Variants in HTRA1 observed in about 807,000 individuals in gnomAD.
The protein encoded by HTRA1 is HtrA serine peptidase 1, also known as serine protease HTRA1.
HTRA1 carries 26 observed loss-of-function variants against 49.7 expected under a neutral mutation model. The ratio of observed to expected loss-of-function variants is 0.52; its 90% CI spans 0.38 to 0.73. HTRA1 has a LOEUF of 0.73. Ranked by LOEUF, HTRA1 falls within the 30% of genes least tolerant of loss-of-function variation. The probability of loss-of-function intolerance (pLI) is 0.00; values close to 1 mark genes in which losing one functional copy is unlikely to be tolerated. For synonymous variants in HTRA1, 291 were observed against 286.9 expected, an observed-to-expected ratio of 1.01 and a Z score of -0.14; for missense variants, 561 against 667.2, an observed-to-expected ratio of 0.84 and a Z score of 1.75.
At chr10:122,462,442 A>G (rs1265809392) in intron 1 of HTRA1, among the ~76,000 whole-genome samples, 1 of 152,272 alleles carries the variant, frequency 6.6e-6, no homozygotes, top group Non-Finnish European at 1.5e-5. Context: ...CCCCAGGACA[A>G]ATAAGAGGAA....
chr10:122,493,421 C>A (rs1470687617), intron 3 of HTRA1, among the ~76,000 whole-genome samples: 1 of 152,242 alleles, frequency 6.6e-6, no homozygotes, highest in Middle Eastern at 3.2e-3. Flanking sequence ...CAAACTCTTT[C>A]CAAATGCGTT....
At chr10:122,478,721 G>T (rs535910682) in intron 1 of HTRA1, among the ~76,000 whole-genome samples, 97 of 152,314 alleles carry the variant, frequency 6.4e-4, no homozygotes, top group Non-Finnish European at 9.7e-4. Flanking sequence ...AGCATCTCCA[G>T]TGGCACCTGA....
intron 3 of HTRA1, among the ~76,000 whole-genome samples, chr10:122,501,446 T>C (rs1157294084): frequency 1.3e-5 from 2 of 152,266 alleles, no homozygotes; most frequent in East Asian, 3.9e-4. Flanking sequence ...TTTCTAAACA[T>C]TGTTAGGTGC....
chr10:122,462,153 C>T (rs1166430243), intron 1 of HTRA1, 29 bp downstream of exon 1: 3 of 1,493,270 alleles, frequency 2.0e-6, no homozygotes, highest in Admixed American at 3.9e-5. Context: ...GGGCAGCTCC[C>T]CACTCTCTCC....
At chr10:122,478,646 C>A (rs1278994813) in intron 1 of HTRA1, among the ~76,000 whole-genome samples, 2 of 145,996 alleles carry the variant, frequency 1.4e-5, no homozygotes, top group Non-Finnish European at 1.5e-5. Context: ...CCTGCCTTGG[C>A]CTCCCAAAGT....
chr10:122,506,623 G>A lies in HTRA1; in HGVS notation c.778-68G>A. The A allele has an allele frequency of 7.1e-7, 1 of 1,404,062 alleles. No homozygotes were observed. The highest frequency in any genetic ancestry group is 1.0e-6 in the Non-Finnish European group (1 of 1,000,264). The allele number at this position is 1,404,062 out of a possible 1,614,324, so 87.0% of individuals were successfully genotyped here. Reference sequence around the variant, plus strand: ...TCACTGTCCCTGCTTGGTTTTCCATGATATCTGTGCCTTTACCTATTTGGT... The same window carrying A: ...TCACTGTCCCTGCTTGGTTTTCCATAATATCTGTGCCTTTACCTATTTGGT... On this transcript the variant is annotated intron_variant, in intron 3 of 8. Coordinates refer to ENST00000368984, the MANE Select transcript of HTRA1 (RefSeq NM_002775.5). The surrounding 1 kb of genome is among the most constrained non-coding windows in gnomAD (Gnocchi z 5.2).
chr10:122,480,259 G>A (rs911555439), intron 1 of HTRA1, among the ~76,000 whole-genome samples: 1 of 151,940 alleles, frequency 6.6e-6, no homozygotes, highest in African/African-American at 2.4e-5. Flanking sequence ...CACGGGGAAC[G>A]TGTGTGGGTT....
chr10:122,463,365 T>A (rs1432849945), intron 1 of HTRA1, among the ~76,000 whole-genome samples: 1 of 152,100 alleles, frequency 6.6e-6, no homozygotes, highest in Non-Finnish European at 1.5e-5. Context: ...TAGAGAGTTG[T>A]CCCGGAGAGA....
intron 3 of HTRA1, among the ~76,000 whole-genome samples, chr10:122,492,705 G>A (rs1228466122): frequency 1.3e-5 from 2 of 152,128 alleles, no homozygotes; most frequent in African/African-American, 4.8e-5. Flanking sequence ...TTGTCCACTT[G>A]CCACTCACCT....
chr10:122,462,987 C>T (rs1208537240), intron 1 of HTRA1, among the ~76,000 whole-genome samples: 1 of 152,256 alleles, frequency 6.6e-6, no homozygotes, highest in African/African-American at 2.4e-5. Flanking sequence ...GAGAGATGCT[C>T]CTCATCTTCA....
chr10:122,475,211 T>C (rs1024112749), intron 1 of HTRA1, among the ~76,000 whole-genome samples: 1 of 152,330 alleles, frequency 6.6e-6, no homozygotes, highest in South Asian at 2.1e-4. Flanking sequence ...GCCCAGCCCC[T>C]GCAACAGTTA....
chr10:122,509,474 T>A (rs1300219005), intron 6 of HTRA1, among the ~76,000 whole-genome samples: 1 of 151,958 alleles, frequency 6.6e-6, no homozygotes, highest in Non-Finnish European at 1.5e-5. Flanking sequence ...CTCAGCATAG[T>A]TGAGTGAGCA....
chr10:122,470,342 C>G (rs1339841267), intron 1 of HTRA1, among the ~76,000 whole-genome samples: 1 of 152,156 alleles, frequency 6.6e-6, no homozygotes, highest in Non-Finnish European at 1.5e-5. Flanking sequence ...GAGACATCAG[C>G]AGGATACTGT....
intron 1 of HTRA1, among the ~76,000 whole-genome samples, chr10:122,469,534 C>T (rs2097485231): frequency 6.6e-6 from 1 of 152,200 alleles, no homozygotes; most frequent in South Asian, 2.1e-4. Context: ...TTCTCCAGGA[C>T]AGTTAGGGCA....
intron 4 of HTRA1, 133 bp downstream of exon 4, chr10:122,507,018 T>A: frequency 1.2e-6 from 1 of 830,082 alleles, no homozygotes; most frequent in Non-Finnish European, 2.0e-6. Context: ...GCCATGTGGA[T>A]TCTAGTGCCA....
rs192597068 is a variant in HTRA1 at position 122,490,526 on chromosome 10, G to T, written c.777+900G>T. ...GCTGTGTGGCATGTTCAGTGAAAGCGTGGTTTCCAGTTTCTTCACATCCTT... is the reference window on the plus strand; with the variant it reads ...GCTGTGTGGCATGTTCAGTGAAAGCTTGGTTTCCAGTTTCTTCACATCCTT... On this transcript the variant is annotated intron_variant, in intron 3 of 8. Coordinates refer to ENST00000368984, the MANE Select transcript of HTRA1 (RefSeq NM_002775.5). This position sits in a 1 kb window ranked among gnomAD's most constrained non-coding sequence, Gnocchi z 4.2. 1.3e-5 allele frequency among the ~76,000 whole-genome samples: 2 copies of T among 152,238 alleles called. No homozygotes were observed. Among genetic ancestry groups the T allele is most frequent in the South Asian group, 4.1e-4 (2 of 4,824 alleles).
chr10:122,496,228 C>CTTTTTTTT lies in HTRA1; in HGVS notation c.777+6626_777+6633dup, dbSNP rs71026021. Among the ~76,000 whole-genome samples the CTTTTTTTT allele has an allele frequency of 5.7e-4, 43 of 75,626 alleles. 2 individuals carry two copies. Among genetic ancestry groups the CTTTTTTTT allele is most frequent in the African/African-American group, 2.1e-3 (39 of 18,528 alleles). 49.6% of individuals were successfully genotyped at this position (75,626 alleles called of 152,430 possible). A position where few individuals can be genotyped will look rare whatever the true frequency, so the allele number is the denominator to read the frequency against. ...TTTCGTTTGCCAGAGATTGTGGGTT[C>CTTTTTTTT]TTTTTTTTTTTTTTTTTTTTTTTTT... On this transcript the variant is annotated intron_variant, in intron 3 of 8. Transcript: ENST00000368984.
At chr10:122,468,735 G>A (rs2097484868) in intron 1 of HTRA1, among the ~76,000 whole-genome samples, 1 of 152,188 alleles carries the variant, frequency 6.6e-6, no homozygotes, top group African/African-American at 2.4e-5. Flanking sequence ...TGTCTGGACT[G>A]CCTGGGATTT....
chr10:122,473,259 G>C (rs2133911904), intron 1 of HTRA1, among the ~76,000 whole-genome samples: 1 of 152,192 alleles, frequency 6.6e-6, no homozygotes, highest in East Asian at 1.9e-4. Flanking sequence ...TCTAACACTC[G>C]TGTCTCAGGC....
Sources: gnomAD v4.1 joint callset for allele counts (sites outside exome capture counted in the v4.1 genomes callset) on GRCh38, gnomAD v4.1.1 for gene constraint, Gnocchi (gnomAD v3.1) non-coding constraint, MANE v1.5 for transcripts, NCBI Gene and HGNC (gene_info 2026-07-23, HGNC 2026-07-21) for gene names.